Variants in FAH observed in about 807,000 individuals in gnomAD.
FAH encodes fumarylacetoacetase.
A neutral mutation model predicts 55.8 loss-of-function variants in FAH; 47 were observed. The ratio of observed to expected loss-of-function variants is 0.84; its 90% CI spans 0.67 to 1.07. The LOEUF (loss-of-function observed/expected upper bound fraction) is 1.07. Ranked by LOEUF, FAH falls within the 50% of genes least tolerant of loss-of-function variation. FAH has a pLI of 0.00. For synonymous variants in FAH, 199 were observed against 207.7 expected (o/e 0.96, Z 0.36); for missense variants, 495 against 545.9 (o/e 0.91, Z 0.93).
At position 80,158,180 on chromosome 15, in the gene FAH, T is replaced by C. The variant is rs2142090839; in HGVS notation, c.192+10T>C. ...GGATGTCTTCAATCAGGTAGGACAT[T>C]GTGAAACGACTTGTCCCTGACCTCA... On this transcript the variant is annotated intron_variant, in intron 2 of 13. Transcript: ENST00000561421. 1.3e-6 allele frequency: 2 copies of C among 1,583,026 alleles called. No individual in the cohort carries two copies. The highest frequency in any genetic ancestry group is 1.7e-6 in the Non-Finnish European group (2 of 1,151,564).
At chr15:80,184,840 A>C (rs892651993) in intron 13 of FAH, among the ~76,000 whole-genome samples, 1 of 152,022 alleles carries the variant, frequency 6.6e-6, no homozygotes. Flanking sequence ...TGGCATTTTC[A>C]TGTGTCTTCC....
intron 13 of FAH, among the ~76,000 whole-genome samples, chr15:80,184,063 C>T (rs1310148400): frequency 1.3e-5 from 2 of 152,192 alleles, no homozygotes; most frequent in East Asian, 1.9e-4. Flanking sequence ...AATCTCTGAT[C>T]GTCTTGGTTT....
rs199995781 is a variant in FAH at position 80,173,030 on chromosome 15, G to A, written c.723G>A (p.Lys241=). 18 of 1,614,270 alleles carry A rather than the reference G, an allele frequency of 1.1e-5. No individual in the cohort carries two copies. In the African/African-American group the frequency reaches 1.3e-4, roughly 12 times the overall value. ...CTTCTGCAGCACGAGACATTCAGAA[G>A]TGGGAGTATGTCCCTCTCGGGCCAT... The part of the protein sequence containing the change: ...MNDWSARDIQ[K]WEYVPLGPFL... Residue 241 remains lysine (K), a synonymous_variant, in exon 9 of 14, where the codon AAG becomes AAA. Coordinates refer to ENST00000561421, the MANE Select transcript of FAH (RefSeq NM_000137.4).
Position 80,173,001 on chromosome 15 carries a change from C to T in FAH, c.707-13C>T. ...CAGCCTTTGTAAGTCCTGGCTGTGC[C>T]CTTCTTCTGCAGCACGAGACATTCA... On this transcript the variant is annotated splice_polypyrimidine_tract_variant and intron_variant, in intron 8 of 13. Coordinates refer to ENST00000561421, the MANE Select transcript of FAH (RefSeq NM_000137.4). 6.2e-7 allele frequency: 1 copy of T among 1,614,204 alleles called. No individual in the cohort carries two copies. The highest frequency in any genetic ancestry group is 8.5e-7 in the Non-Finnish European group (1 of 1,180,036).
chr15:80,186,363 C>T (rs528857601), downstream of FAH: 8 of 709,070 alleles, frequency 1.1e-5, no homozygotes, highest in Admixed American at 4.0e-5. Context: ...GCAGCTGTGT[C>T]CACTTATGAT....
At position 80,172,049 on chromosome 15, in the gene FAH, A is replaced by G. The variant is rs1426990636; in HGVS notation, c.607-100A>G. The G allele has an allele frequency of 1.0e-5, 9 of 871,270 alleles. No individual in the cohort carries two copies. The East Asian group carries it at 2.2e-4, about 21-fold the overall frequency. 54.0% of individuals were successfully genotyped at this position (871,270 alleles called of 1,614,324 possible). A position where few individuals can be genotyped will look rare whatever the true frequency, so the allele number is the denominator to read the frequency against. On this transcript the variant is annotated intron_variant, in intron 7 of 13. Transcript: ENST00000561421. Reference sequence around the variant, plus strand: ...CAGGCCCCTGTGGCAGTCCTGGTCCATGGCTGGAGTTTGGAAATACCTGAC... The same window carrying G: ...CAGGCCCCTGTGGCAGTCCTGGTCCGTGGCTGGAGTTTGGAAATACCTGAC...
chr15:80,162,237 C>G lies in FAH; in HGVS notation c.365-9C>G. On this transcript the variant is annotated splice_polypyrimidine_tract_variant and intron_variant, in intron 4 of 13. Coordinates refer to ENST00000561421, the MANE Select transcript of FAH (RefSeq NM_000137.4). ...TGCTGATGGGATCTGTTGGGTCTTT[C>G]CTCTGCAGGAGACTACACAGACTTC... is the stretch of plus-strand genomic sequence containing the variant. The G allele has an allele frequency of 1.9e-6, 3 of 1,612,066 alleles. No homozygotes were observed. The highest frequency in any genetic ancestry group is 2.5e-6 in the Non-Finnish European group (3 of 1,178,162).
intron 3 of FAH, 179 bp from the exon 4 acceptor site, chr15:80,160,231 C>A (rs2041136897): frequency 2.8e-6 from 2 of 711,004 alleles, no homozygotes; most frequent in African/African-American, 3.5e-5. Context: ...ATAGAAACGG[C>A]TTCAGTGGGT....
chr15:80,168,430 C>T lies in FAH; in HGVS notation c.606+114C>T, dbSNP rs1458858356. Reference sequence around the variant, plus strand: ...CCACTCCCCTCCTCTTCAGCCACATCGGCAGCCGCTCTGTGTCCCCACCTG... The same window carrying T: ...CCACTCCCCTCCTCTTCAGCCACATTGGCAGCCGCTCTGTGTCCCCACCTG... On this transcript the variant is annotated intron_variant, in intron 7 of 13. Transcript: ENST00000561421. 28 of 1,013,620 alleles carry T rather than the reference C, an allele frequency of 2.8e-5. 1 individual carries two copies. Among genetic ancestry groups the T allele is most frequent in the South Asian group, 1.5e-4 (12 of 78,482 alleles). The allele number at this position is 1,013,620 out of a possible 1,614,324, so 62.8% of individuals were successfully genotyped here.
intron 12 of FAH, among the ~76,000 whole-genome samples, chr15:80,180,508 C>G (rs1020797276): frequency 6.6e-6 from 1 of 152,168 alleles, no homozygotes; most frequent in African/African-American, 2.4e-5. Flanking sequence ...GTGATAGTGT[C>G]TTGGTTGTCA....
In FAH at chr15:80,153,035, C is replaced by T. The variant is rs201528408; in HGVS notation, c.-20C>T. On this transcript the variant is annotated 5_prime_UTR_variant, in exon 1 of 14. Transcript: ENST00000561421. ...CCGCACGCCACCTTAGGCCCGCAGCCGTGCCGGGTGCTCTTCAGCATGTCC... is the reference window on the plus strand; with the variant it reads ...CCGCACGCCACCTTAGGCCCGCAGCTGTGCCGGGTGCTCTTCAGCATGTCC... 8 of 1,610,312 alleles carry T rather than the reference C, an allele frequency of 5.0e-6. No homozygotes were observed. Among genetic ancestry groups the T allele is most frequent in the African/African-American group, 2.7e-5 (2 of 74,896 alleles).
intron 12 of FAH, 147 bp downstream of exon 12, chr15:80,180,372 C>T (rs934460770): frequency 1.5e-6 from 1 of 685,468 alleles, no homozygotes; most frequent in South Asian, 1.6e-5. Context: ...TAGCCTTTCT[C>T]TCTGGGTGCA....
downstream of FAH, chr15:80,186,577 G>A (rs1424029183): frequency 3.1e-6 from 1 of 326,226 alleles, no homozygotes; most frequent in African/African-American, 2.1e-5. Context: ...GAACCAAGGA[G>A]AAAGAGATCG....
At chr15:80,180,303 A>G in intron 12 of FAH, 78 bp downstream of exon 12, 1 of 1,166,794 alleles carries the variant, frequency 8.6e-7, no homozygotes, top group Admixed American at 1.8e-5. Context: ...CCCTCAGCTC[A>G]GCCTCGAGAA....
At chr15:80,162,698 G>C (rs1391129941) in intron 5 of FAH, 2 of 359,330 alleles carry the variant, frequency 5.6e-6, no homozygotes, top group Non-Finnish European at 1.1e-5. Flanking sequence ...TGATGAATGA[G>C]AATCCTCAAA....
chr15:80,171,689 G>A (rs1032059173), intron 7 of FAH, among the ~76,000 whole-genome samples: 2 of 152,174 alleles, frequency 1.3e-5, no homozygotes, highest in East Asian at 3.9e-4. Flanking sequence ...CTCAAACTCC[G>A]AGGCTCAAGT....
chr15:80,177,602 C>T lies in FAH; in HGVS notation c.960+19C>T. 1 of 1,608,912 alleles carries T rather than the reference C, an allele frequency of 6.2e-7. No homozygotes were observed. Among genetic ancestry groups the T allele is most frequent in the Non-Finnish European group, 8.5e-7 (1 of 1,175,240 alleles). On this transcript the variant is annotated intron_variant, in intron 11 of 13. Coordinates refer to ENST00000561421, the MANE Select transcript of FAH (RefSeq NM_000137.4). Reference sequence around the variant, plus strand: ...TTTTAAGGTAAGCTTTGACGCTGATCAGACTGCTTTTTAGAATTGAGGGAA... The same window carrying T: ...TTTTAAGGTAAGCTTTGACGCTGATTAGACTGCTTTTTAGAATTGAGGGAA...
At chr15:80,161,271 G>GTTTTTTT (rs1185001944) in intron 4 of FAH, among the ~76,000 whole-genome samples, 1 of 138,264 alleles carries the variant, frequency 7.2e-6, no homozygotes, top group Non-Finnish European at 1.6e-5. Context: ...GCCCTTTCTT[G>GTTTTTTT]TTTTTTTTTT....
In FAH at chr15:80,175,078, T is replaced by G; in HGVS notation, c.900T>G (p.Ser300=). The part of the protein sequence containing the change: ...DEPYTFDINL[S]VNLKGEGMSQ... ...CCTACACATTTGACATCAACCTCTC[T>G]GTTAACCTGAAAGGTATGTTGTAGG... Residue 300 remains serine (S), a synonymous_variant, in exon 10 of 14, where the codon TCT becomes TCG. Coordinates refer to ENST00000561421, the MANE Select transcript of FAH (RefSeq NM_000137.4). The G allele has an allele frequency of 6.2e-7, 1 of 1,613,878 alleles. No individual in the cohort carries two copies. Among genetic ancestry groups the G allele is most frequent in the Non-Finnish European group, 8.5e-7 (1 of 1,179,752 alleles).
Sources: gnomAD v4.1 joint callset for allele counts (sites outside exome capture counted in the v4.1 genomes callset) on GRCh38, gnomAD v4.1.1 for gene constraint, MANE v1.5 for transcripts, NCBI Gene and HGNC (gene_info 2026-07-23, HGNC 2026-07-21) for gene names.